Variants in SCAMP1 observed in about 807,000 individuals in gnomAD.
The protein encoded by SCAMP1 is secretory carrier-associated membrane protein 1.
SCAMP1 carries 15 observed loss-of-function variants against 41.8 expected under a neutral mutation model. The observed-to-expected ratio is 0.36, with a 90% CI of 0.24 to 0.55. The LOEUF is 0.55. Among genes scored for constraint, SCAMP1 ranks in the 20% least tolerant of loss-of-function variants. The pLI is 0.86. For missense variants in SCAMP1, 341 were observed against 412.6 expected (o/e 0.83, Z 1.50); for synonymous variants, 135 against 136.8 (o/e 0.99, Z 0.09).
At position 78,476,942 on chromosome 5, in the gene SCAMP1, A is replaced by C. The variant is rs1754019461; in HGVS notation, c.*1274A>C. 1.3e-5 allele frequency: 2 copies of C among 152,158 alleles called. No homozygotes were observed. The highest frequency in any genetic ancestry group is 1.3e-4 in the Admixed American group (2 of 15,268). The allele number at this position is 152,158 out of a possible 1,614,324, so 9.4% of individuals were successfully genotyped here. On this transcript the variant is annotated 3_prime_UTR_variant, in exon 9 of 9. Coordinates refer to ENST00000621999, the MANE Select transcript of SCAMP1 (RefSeq NM_004866.6). The stretch of plus-strand genomic sequence containing the variant: ...TATTCTTGGGTTCAACCTTTGAATC[A>C]ATTTTACCACTGATTAAATAAATGA...
At chr5:78,384,025 A>G (rs570005649) in intron 1 of SCAMP1, among the ~76,000 whole-genome samples, 1 of 152,216 alleles carries the variant, frequency 6.6e-6, no homozygotes, top group East Asian at 1.9e-4. Context: ...TTTTGGCAGT[A>G]TGGTCATTTT....
rs1015049072 is a variant in SCAMP1, at chr5:78,401,959, A to G, written c.135+13045A>G. Among the ~76,000 whole-genome samples the G allele has an allele frequency of 2.6e-5, 4 of 152,116 alleles. 1 individual carries two copies. The highest frequency in any genetic ancestry group is 4.1e-4 in the South Asian group (2 of 4,832). ...CTTTCTTATCAAATATATGCACTCA[A>G]TGCTATACATTTTCCTCTAAGCCCT... is the stretch of plus-strand genomic sequence containing the variant. On this transcript the variant is annotated intron_variant, in intron 2 of 8. Transcript: ENST00000621999.
intron 2 of SCAMP1, among the ~76,000 whole-genome samples, chr5:78,409,979 G>A (rs1752029929): frequency 6.6e-6 from 1 of 152,084 alleles, no homozygotes; most frequent in African/African-American, 2.4e-5. Context: ...AGAAGACAGG[G>A]CTTTGGGGCG....
At chr5:78,444,416 TA>T (rs1376610199) in intron 6 of SCAMP1, among the ~76,000 whole-genome samples, 1 of 152,158 alleles carries the variant, frequency 6.6e-6, no homozygotes, top group Non-Finnish European at 1.5e-5. Context: ...CTGCCCTTTA[TA>T]AAACCATGCA....
At chr5:78,450,626 G>T (rs1212074698) in intron 7 of SCAMP1, among the ~76,000 whole-genome samples, 2 of 152,138 alleles carry the variant, frequency 1.3e-5, no homozygotes, top group African/African-American at 4.8e-5. Flanking sequence ...ACATTCTGAT[G>T]CAAACATTCC....
At chr5:78,468,057 T>C (rs1384278284) in intron 8 of SCAMP1, among the ~76,000 whole-genome samples, 1 of 152,138 alleles carries the variant, frequency 6.6e-6, no homozygotes, top group Admixed American at 6.6e-5. Context: ...ATGTGCTCTG[T>C]CCTATATATT....
chr5:78,441,086 G>T (rs554496782), intron 6 of SCAMP1, among the ~76,000 whole-genome samples: 3 of 152,154 alleles, frequency 2.0e-5, no homozygotes, highest in African/African-American at 4.8e-5. Context: ...GAAGTGTCCC[G>T]ATTTTCCAGG....
At chr5:78,419,605 C>T (rs1163675290) in intron 5 of SCAMP1, among the ~76,000 whole-genome samples, 2 of 152,154 alleles carry the variant, frequency 1.3e-5, no homozygotes, top group South Asian at 2.1e-4. Context: ...GTCTCAGCCT[C>T]ATTTTGATAC....
chr5:78,366,891 C>T (rs1392118433), intron 1 of SCAMP1, among the ~76,000 whole-genome samples: 2 of 130,894 alleles, frequency 1.5e-5, no homozygotes, highest in Non-Finnish European at 3.1e-5. Flanking sequence ...GAGGCTGAGG[C>T]GGGAGGGTGA....
chr5:78,389,135 A>G (rs1363580604), intron 2 of SCAMP1, among the ~76,000 whole-genome samples: 1 of 152,208 alleles, frequency 6.6e-6, no homozygotes, highest in African/African-American at 2.4e-5. Flanking sequence ...ATTTTCTTTT[A>G]TGTTTTACAG....
At chr5:78,438,561 G>T (rs1752827135) in intron 6 of SCAMP1, among the ~76,000 whole-genome samples, 2 of 152,200 alleles carry the variant, frequency 1.3e-5, no homozygotes, top group African/African-American at 4.8e-5. Context: ...CAGTTTGATT[G>T]CATTGTGGTC....
chr5:78,418,722 T>A (rs1053184209), intron 4 of SCAMP1, 53 bp from the exon 5 acceptor site: 2 of 1,157,708 alleles, frequency 1.7e-6, no homozygotes, highest in African/African-American at 3.2e-5. Flanking sequence ...AAAAATAATA[T>A]CACATTTGTT....
chr5:78,456,908 T>G (rs914400158), intron 7 of SCAMP1, among the ~76,000 whole-genome samples: 2 of 129,036 alleles, frequency 1.5e-5, no homozygotes, highest in East Asian at 2.3e-4. Context: ...TTCTCTAAAC[T>G]TCCCTTCTTG....
chr5:78,361,869 T>C (rs1306981629), intron 1 of SCAMP1, among the ~76,000 whole-genome samples: 1 of 152,236 alleles, frequency 6.6e-6, no homozygotes, highest in African/African-American at 2.4e-5. Flanking sequence ...TCATTAAGAA[T>C]CCTGGAAGAG....
chr5:78,393,279 C>T (rs1437202268), intron 2 of SCAMP1, among the ~76,000 whole-genome samples: 4 of 152,232 alleles, frequency 2.6e-5, no homozygotes, highest in East Asian at 3.9e-4. Context: ...TGAGCTCAAG[C>T]GATACTCCTG....
chr5:78,419,052 T>C, intron 5 of SCAMP1, 149 bp downstream of exon 5: 1 of 692,976 alleles, frequency 1.4e-6, no homozygotes, highest in South Asian at 1.9e-5. Flanking sequence ...AAACATATCC[T>C]ATTTAGGTAC....
At chr5:78,368,425 T>C (rs145916479) in intron 1 of SCAMP1, among the ~76,000 whole-genome samples, 1 of 152,222 alleles carries the variant, frequency 6.6e-6, no homozygotes, top group African/African-American at 2.4e-5. Flanking sequence ...CAAAAGTTTT[T>C]TTTGGACTAT....
At chr5:78,468,348 C>G (rs577889159) in intron 8 of SCAMP1, among the ~76,000 whole-genome samples, 2 of 152,264 alleles carry the variant, frequency 1.3e-5, no homozygotes, top group South Asian at 2.1e-4. Flanking sequence ...AAAAGCTCCT[C>G]TTTCTATTAG....
chr5:78,370,274 A>G (rs1561249243), intron 1 of SCAMP1, among the ~76,000 whole-genome samples: 1 of 152,180 alleles, frequency 6.6e-6, no homozygotes, highest in Non-Finnish European at 1.5e-5. Context: ...ACTTGCAAAT[A>G]TTGTAAGATG....
Sources: gnomAD v4.1 joint callset for allele counts (sites outside exome capture counted in the v4.1 genomes callset) on GRCh38, gnomAD v4.1.1 for gene constraint, MANE v1.5 for transcripts, NCBI Gene and HGNC (gene_info 2026-07-23, HGNC 2026-07-21) for gene names.